The following SDK1 variants were observed in gnomAD, a reference collection of about 807,000 sequenced individuals.
SDK1 encodes the protein protein sidekick-1.
Under a neutral mutation model 245.5 loss-of-function variants are expected in SDK1, and 157 were observed. That is an observed-to-expected ratio of 0.64 (90% confidence interval 0.56 to 0.73). SDK1 has a LOEUF of 0.73. SDK1 is among the 30% of genes least tolerant of loss of function. The pLI is 0.00. For synonymous variants in SDK1, 1,647 were observed against 1,278.5 expected, an observed-to-expected ratio of 1.29 and a Z score of -6.15; for missense variants, 3,583 against 3,002.3, an observed-to-expected ratio of 1.19 and a Z score of -4.52.
At chr7:3,366,043 A>AG (rs1562443223) in intron 1 of SDK1, among the ~76,000 whole-genome samples, 2 of 151,872 alleles carry the variant, frequency 1.3e-5, no homozygotes, top group Admixed American at 6.6e-5. Context: ...CTGTCTCAAA[A>AG]AAAAAAAAAA....
chr7:3,480,731 G>A (rs1173747643), intron 1 of SDK1, among the ~76,000 whole-genome samples: 2 of 152,208 alleles, frequency 1.3e-5, no homozygotes, highest in Non-Finnish European at 1.5e-5. Flanking sequence ...TGGAAAGCCA[G>A]TCTCTCGTTT....
chr7:3,978,515 G>T (rs1411206002), intron 13 of SDK1, among the ~76,000 whole-genome samples: 1 of 152,188 alleles, frequency 6.6e-6, no homozygotes, highest in Non-Finnish European at 1.5e-5. Context: ...TTGGAAGACA[G>T]TTGTTCCTCG....
In SDK1 at chr7:4,149,287, C is replaced by G. The variant is rs368954681; in HGVS notation, c.4449C>G (p.Leu1483=). The change falls in exon 30 of 45, where the codon CTC becomes CTG. Residue 1483 remains leucine (L), a synonymous_variant. Transcript: ENST00000404826. ...KRERPAPPRE[L]LVPQAEVTAR... is the part of the protein sequence containing the mutation. ...AGCGGCCGGCACCCCCCAGAGAGCT[C>G]CTGGTGCCCCAGGCAGAAGTGACCG... 718 of 1,554,292 alleles carry G rather than the reference C, an allele frequency of 4.6e-4. No homozygotes were observed. The highest frequency in any genetic ancestry group is 3.8e-4 in the Non-Finnish European group (438 of 1,149,988).
intron 44 of SDK1, among the ~76,000 whole-genome samples, chr7:4,250,937 C>T (rs577950288): frequency 6.6e-6 from 1 of 152,316 alleles, no homozygotes; most frequent in African/African-American, 2.4e-5. Context: ...CTACCAGTCA[C>T]CTCCCATTCC....
chr7:3,541,285 A>G (rs1054832618), intron 1 of SDK1, among the ~76,000 whole-genome samples: 1 of 152,208 alleles, frequency 6.6e-6, no homozygotes, highest in African/African-American at 2.4e-5. Context: ...TGTCTAGTAG[A>G]GCAAAACCCT....
At chr7:3,308,567 A>G (rs34802306) in intron 1 of SDK1, among the ~76,000 whole-genome samples, 5,104 of 152,190 alleles carry the variant, frequency 0.034, 112 homozygotes, top group Non-Finnish European at 0.051. Context: ...AGGTAAATCT[A>G]TTTCTGATTT....
intron 5 of SDK1, among the ~76,000 whole-genome samples, chr7:3,829,980 C>T (rs140480201): frequency 1.3e-5 from 2 of 152,282 alleles, no homozygotes; most frequent in East Asian, 3.9e-4. Flanking sequence ...AACAATAAGT[C>T]ACAATTTCTG....
In SDK1 at chr7:4,231,193, C is replaced by T. The variant is rs147010979; in HGVS notation, c.5828-2062C>T. Among the ~76,000 whole-genome samples the T allele has an allele frequency of 1.9e-3, 296 of 152,284 alleles. 4 individuals are homozygous for T. The highest frequency in any genetic ancestry group is 6.5e-3 in the African/African-American group (272 of 41,542). ...AGCATCCTAGGAGAAAGAAGGTAGG[C>T]TTAGGCTCTGGCTTGCCATTCTGAC... On this transcript the variant is annotated intron_variant, in intron 40 of 44. Transcript: ENST00000404826.
intron 28 of SDK1, 127 bp downstream of exon 28, chr7:4,132,550 C>A: frequency 1.6e-6 from 1 of 629,472 alleles, no homozygotes; most frequent in Admixed American, 2.3e-5. Flanking sequence ...TGTGAGACCC[C>A]ATCTCTCCAA....
intron 4 of SDK1, among the ~76,000 whole-genome samples, chr7:3,688,090 T>C (rs1209179670): frequency 6.6e-6 from 1 of 152,252 alleles, no homozygotes; most frequent in Non-Finnish European, 1.5e-5. Flanking sequence ...TACTAAGAGC[T>C]GAGACAATCA....
chr7:4,105,258 C>T (rs895760359), intron 22 of SDK1, among the ~76,000 whole-genome samples: 1 of 152,076 alleles, frequency 6.6e-6, no homozygotes, highest in African/African-American at 2.4e-5. Flanking sequence ...GCTGGGATTA[C>T]AGGTGTGAGC....
At chr7:3,567,382 T>C (rs1197327427) in intron 1 of SDK1, among the ~76,000 whole-genome samples, 1 of 152,170 alleles carries the variant, frequency 6.6e-6, no homozygotes, top group Non-Finnish European at 1.5e-5. Flanking sequence ...TGTGGAATTA[T>C]TCCTAGAAGC....
intron 1 of SDK1, among the ~76,000 whole-genome samples, chr7:3,568,358 C>T (rs901983399): frequency 9.2e-5 from 14 of 152,190 alleles, no homozygotes; most frequent in African/African-American, 3.4e-4. Flanking sequence ...AGTGTTCCCA[C>T]TGCTCTTTTT....
intron 4 of SDK1, among the ~76,000 whole-genome samples, chr7:3,778,413 G>A (rs1210562257): frequency 6.6e-6 from 1 of 152,158 alleles, no homozygotes; most frequent in Admixed American, 6.5e-5. Flanking sequence ...CTTGAGAAAC[G>A]CTATTTCCCA....
chr7:3,486,601 T>G (rs1781702356), intron 1 of SDK1, among the ~76,000 whole-genome samples: 1 of 152,106 alleles, frequency 6.6e-6, no homozygotes, highest in African/African-American at 2.4e-5. Context: ...TGCGCTTTAT[T>G]TGTTATGTAT....
At chr7:3,896,803 C>G (rs1484831435) in intron 5 of SDK1, among the ~76,000 whole-genome samples, 7 of 152,274 alleles carry the variant, frequency 4.6e-5, no homozygotes, top group Admixed American at 2.6e-4. Flanking sequence ...TCCTCTTCAC[C>G]TACTTAAAAA....
Position 4,079,449 on chromosome 7 carries a change from T to C in SDK1, c.3203-14T>C. 2 of 1,613,498 alleles carry C rather than the reference T, an allele frequency of 1.2e-6. No individual in the cohort carries two copies. Among genetic ancestry groups the C allele is most frequent in the Non-Finnish European group, 1.7e-6 (2 of 1,179,798 alleles). On this transcript the variant is annotated splice_polypyrimidine_tract_variant and intron_variant, in intron 21 of 44. Coordinates refer to ENST00000404826, the MANE Select transcript of SDK1 (RefSeq NM_152744.4). ...ACTGTAAATCTCTCCCTTTCCTCCC[T>C]GGTTCCTCTCTAGACCTTCCTGGTG...
intron 1 of SDK1, among the ~76,000 whole-genome samples, chr7:3,386,675 C>A (rs570668396): frequency 6.6e-6 from 1 of 152,170 alleles, no homozygotes. Context: ...GAAAATCAAG[C>A]CCAGATTTTC....
chr7:4,134,037 G>A (rs1778877805), intron 28 of SDK1, among the ~76,000 whole-genome samples: 1 of 152,194 alleles, frequency 6.6e-6, no homozygotes, highest in Admixed American at 6.5e-5. Context: ...CTTTGAGTGG[G>A]AAAGCTGCGC....
Sources: allele counts gnomAD v4.1 joint callset (sites outside exome capture counted in the v4.1 genomes callset), GRCh38; gene constraint gnomAD v4.1.1; transcripts MANE v1.5; gene names NCBI Gene and HGNC (gene_info 2026-07-23, HGNC 2026-07-21).